The following C8orf34 variants were observed in gnomAD, a reference collection of about 807,000 sequenced individuals.
The protein encoded by C8orf34 is uncharacterized protein C8orf34.
In C8orf34, 65 loss-of-function variants were observed where a neutral mutation model predicts 68.3. The ratio of observed to expected loss-of-function variants is 0.95; its 90% CI spans 0.78 to 1.17. The LOEUF is 1.17. C8orf34 is among the 50% of genes most tolerant of loss of function. The pLI is 0.00. For synonymous variants in C8orf34, 244 were observed against 241.2 expected (o/e 1.01, Z -0.11); for missense variants, 664 against 655.4 (o/e 1.01, Z -0.14).
At chr8:68,342,526 C>T (rs1806115100) in intron 1 of C8orf34, among the ~76,000 whole-genome samples, 2 of 152,214 alleles carry the variant, frequency 1.3e-5, no homozygotes, top group South Asian at 2.1e-4. Context: ...GTTTCAGTTA[C>T]TCATGGTCAA....
At chr8:68,552,034 A>G (rs1563525180) in intron 7 of C8orf34, among the ~76,000 whole-genome samples, 1 of 152,046 alleles carries the variant, frequency 6.6e-6, no homozygotes, top group Non-Finnish European at 1.5e-5. Context: ...AAATCAATTG[A>G]CCATACATGT....
intron 1 of C8orf34, among the ~76,000 whole-genome samples, chr8:68,356,519 C>CAT (rs1806754725): frequency 6.6e-6 from 1 of 152,090 alleles, no homozygotes; most frequent in Non-Finnish European, 1.5e-5. Context: ...CTCATCAATA[C>CAT]ATTTCATCAT....
At chr8:68,719,554 G>T (rs1821609072) in intron 9 of C8orf34, among the ~76,000 whole-genome samples, 1 of 151,852 alleles carries the variant, frequency 6.6e-6, no homozygotes, top group Admixed American at 6.6e-5. Context: ...ACCTAATACA[G>T]TGCTTGCCAT....
chr8:68,761,303 G>A lies in C8orf34; in HGVS notation c.1405-15096G>A, dbSNP rs183180678. Among the ~76,000 whole-genome samples, 65 of 152,222 alleles carry A rather than the reference G, an allele frequency of 4.3e-4. 1 individual carries two copies. In the East Asian group the frequency reaches 0.01, roughly 24 times the overall value. On this transcript the variant is annotated intron_variant, in intron 10 of 13. Coordinates refer to ENST00000518698, the MANE Select transcript of C8orf34 (RefSeq NM_052958.4). ...ATATGGAGCCACTTCTTCCCCAGTGGGGAACCCCTTCTGTAGCTCACTACT... is the reference window on the plus strand; with the variant it reads ...ATATGGAGCCACTTCTTCCCCAGTGAGGAACCCCTTCTGTAGCTCACTACT...
intron 8 of C8orf34, among the ~76,000 whole-genome samples, chr8:68,683,092 G>T (rs1820416643): frequency 6.6e-6 from 1 of 151,962 alleles, no homozygotes; most frequent in Non-Finnish European, 1.5e-5. Context: ...AGAAGGAAAT[G>T]AGATGATTTA....
At chr8:68,757,258 A>T (rs959790389) in intron 10 of C8orf34, among the ~76,000 whole-genome samples, 1 of 152,154 alleles carries the variant, frequency 6.6e-6, no homozygotes, top group African/African-American at 2.4e-5. Context: ...CCTCCAGATT[A>T]TCTAATGGAG....
intron 8 of C8orf34, among the ~76,000 whole-genome samples, chr8:68,687,020 T>G (rs1294430963): frequency 6.6e-6 from 1 of 151,792 alleles, no homozygotes; most frequent in Non-Finnish European, 1.5e-5. Context: ...TACCAACAGC[T>G]TCAAGAAAAA....
intron 7 of C8orf34, among the ~76,000 whole-genome samples, chr8:68,567,738 T>C (rs1319732809): frequency 6.6e-6 from 1 of 151,174 alleles, no homozygotes; most frequent in Non-Finnish European, 1.5e-5. Context: ...TGTATTTTTT[T>C]TTTTTGGTTT....
intron 7 of C8orf34, among the ~76,000 whole-genome samples, chr8:68,548,709 C>T (rs1271979367): frequency 1.3e-5 from 2 of 151,696 alleles, no homozygotes; most frequent in Non-Finnish European, 3.0e-5. Flanking sequence ...TATATGTTCA[C>T]AAAAATATTT....
intron 7 of C8orf34, among the ~76,000 whole-genome samples, chr8:68,612,372 A>G (rs1288202033): frequency 6.6e-6 from 1 of 152,116 alleles, no homozygotes; most frequent in Non-Finnish European, 1.5e-5. Flanking sequence ...AGCTAACAAG[A>G]AGGGTAAACA....
intron 10 of C8orf34, among the ~76,000 whole-genome samples, chr8:68,732,649 A>G (rs1325196279): frequency 6.6e-6 from 1 of 152,074 alleles, no homozygotes; most frequent in Non-Finnish European, 1.5e-5. Flanking sequence ...CATTTTATAC[A>G]GTTTTTTCTC....
At chr8:68,510,779 C>G (rs180842000) in intron 5 of C8orf34, among the ~76,000 whole-genome samples, 75 of 152,250 alleles carry the variant, frequency 4.9e-4, no homozygotes, top group East Asian at 3.1e-3. Flanking sequence ...TCTGTTCCCC[C>G]CAAGGAATCT....
intron 7 of C8orf34, among the ~76,000 whole-genome samples, chr8:68,635,747 C>A (rs1304247295): frequency 6.6e-6 from 1 of 152,150 alleles, no homozygotes; most frequent in African/African-American, 2.4e-5. Context: ...GTACAGTATG[C>A]CTTTGAGCAA....
intron 10 of C8orf34, among the ~76,000 whole-genome samples, chr8:68,761,658 G>A (rs1350752112): frequency 6.6e-6 from 1 of 152,132 alleles, no homozygotes; most frequent in Non-Finnish European, 1.5e-5. Context: ...CACACCAAAT[G>A]GAACCACAGT....
At position 68,815,888 on chromosome 8, in the gene C8orf34, T is replaced by C; in HGVS notation, c.1552T>C (p.Ser518Pro). 1 of 1,613,876 alleles carries C rather than the reference T, an allele frequency of 6.2e-7. No individual in the cohort carries two copies. Among genetic ancestry groups the C allele is most frequent in the Non-Finnish European group, 8.5e-7 (1 of 1,179,778 alleles). The change falls in exon 13 of 14, where the codon TCC becomes CCC. Residue 518 changes from serine (S) to proline (P), a missense_variant and splice_region_variant. Physicochemically the swap from Ser to Pro is moderately conservative, Grantham distance 74. Transcript: ENST00000518698. ...TCTCTGTTTCTTTTGTTGTGCAGGTTCCGCTGATCTTCTTCTTTGCGTTCC... is the reference window on the plus strand; with the variant it reads ...TCTCTGTTTCTTTTGTTGTGCAGGTCCCGCTGATCTTCTTCTTTGCGTTCC... ...EGVEAEQEKRSADLLLCVPCS... is the reference protein window; with the variant it reads ...EGVEAEQEKRPADLLLCVPCS...
chr8:68,656,636 G>T (rs770988133), intron 8 of C8orf34, among the ~76,000 whole-genome samples: 7 of 151,910 alleles, frequency 4.6e-5, no homozygotes, highest in Non-Finnish European at 8.8e-5. Flanking sequence ...TTTCTTATAG[G>T]TTCCAGTTGT....
At chr8:68,671,929 G>A (rs377052548) in intron 8 of C8orf34, among the ~76,000 whole-genome samples, 1 of 152,134 alleles carries the variant, frequency 6.6e-6, no homozygotes, top group Admixed American at 6.6e-5. Context: ...CATTATAGGG[G>A]AGGAAAAATA....
chr8:68,446,959 T>C (rs1811150590), intron 3 of C8orf34: 2 of 153,358 alleles, frequency 1.3e-5, no homozygotes, highest in Admixed American at 1.3e-4. Context: ...TACTGTAATA[T>C]CTTTGTTTTT....
chr8:68,702,122 G>A (rs898115778), intron 8 of C8orf34, among the ~76,000 whole-genome samples: 17 of 151,822 alleles, frequency 1.1e-4, no homozygotes, highest in East Asian at 1.9e-4. Flanking sequence ...ATCTCCAGTC[G>A]GCATAATGTA....
Sources: gnomAD v4.1 joint callset for allele counts (sites outside exome capture counted in the v4.1 genomes callset) on GRCh38, gnomAD v4.1.1 for gene constraint, MANE v1.5 for transcripts, NCBI Gene and HGNC (gene_info 2026-07-23, HGNC 2026-07-21) for gene names.